The following AURKA variants were observed in gnomAD, a reference collection of about 807,000 sequenced individuals.
AURKA encodes the protein aurora kinase A, also known as aurora 2.
Under a neutral mutation model 40.9 loss-of-function variants are expected in AURKA, and 12 were observed. The ratio of observed to expected loss-of-function variants is 0.29; its 90% CI spans 0.19 to 0.48. The LOEUF (loss-of-function observed/expected upper bound fraction) is 0.48. AURKA is among the 20% of genes least tolerant of loss of function. AURKA has a pLI of 0.99. For synonymous variants in AURKA, 170 were observed against 164.3 expected, an observed-to-expected ratio of 1.03 and a Z score of -0.26; for missense variants, 322 against 462.1, an observed-to-expected ratio of 0.70 and a Z score of 2.78.
rs1986098112 is a variant in AURKA, at chr20:56,384,317, A to AAC, written c.326_327insGT (p.Asn109LysfsTer75). The AAC allele has an allele frequency of 6.3e-7, 1 of 1,596,904 alleles. No homozygotes were observed. On this transcript the variant is annotated frameshift_variant, in exon 4 of 9. Transcript: ENST00000395915. LOFTEE classifies it high-confidence loss of function. ...GTTTTGATGCCAGTTCCTCCTCAGG[A>AAC]TTATTTTCTATATGGAATAAGTTAA...
intron 6 of AURKA, among the ~76,000 whole-genome samples, chr20:56,376,140 C>T (rs1984892458): frequency 6.6e-6 from 1 of 152,060 alleles, no homozygotes; most frequent in African/African-American, 2.4e-5. Context: ...ATATCAATAT[C>T]AGAAACTGAA....
intron 7 of AURKA, among the ~76,000 whole-genome samples, chr20:56,371,398 T>G (rs1387616221): frequency 6.6e-6 from 1 of 151,176 alleles, no homozygotes; most frequent in East Asian, 2.0e-4. Flanking sequence ...GGAGGCGAGC[T>G]TGTAGTGAGC....
Position 56,370,620 on chromosome 20 carries a change from A to G in AURKA, c.894T>C (p.Pro298=), listed in dbSNP as rs2146125207. 12 of 1,614,206 alleles carry G rather than the reference A, an allele frequency of 7.4e-6. No homozygotes were observed. The highest frequency in any genetic ancestry group is 7.6e-6 in the Non-Finnish European group (9 of 1,180,028). Residue 298 remains proline, a synonymous_variant, in exon 8 of 9, where the codon CCT becomes CCC. Transcript: ENST00000395915. ...CATGCATCCGACCTTCAATCATTTC[A>G]GGGGGCAGGTAGTCCAGGGTGCCAC... is the stretch of plus-strand genomic sequence containing the variant. ...TLCGTLDYLP[P]EMIEGRMHDE...
chr20:56,384,313 C>T lies in AURKA; in HGVS notation c.331G>A (p.Glu111Lys). ...PLPSAPENNP[E>K]EELASKQKNE... ...TTCTGTTTTGATGCCAGTTCCTCCT[C>T]AGGATTATTTTCTATATGGAATAAG... Residue 111 changes from glutamate (E) to lysine (K), a missense_variant, in exon 4 of 9, where the codon GAG (glutamate) becomes AAG (lysine). Physicochemically the swap from Glu to Lys is moderately conservative, Grantham distance 56. Coordinates refer to ENST00000395915, the MANE Select transcript of AURKA (RefSeq NM_198437.3). 6.2e-7 allele frequency: 1 copy of T among 1,600,808 alleles called. No individual in the cohort carries two copies. Among genetic ancestry groups the T allele is most frequent in the Non-Finnish European group, 8.6e-7 (1 of 1,169,282 alleles).
At chr20:56,377,830 A>G (rs1985135695) in intron 6 of AURKA, among the ~76,000 whole-genome samples, 1 of 152,210 alleles carries the variant, frequency 6.6e-6, no homozygotes, top group South Asian at 2.1e-4. Flanking sequence ...TTAGGAAACT[A>G]GAAATCAAAA....
chr20:56,386,176 A>G, intron 3 of AURKA, 81 bp downstream of exon 3: 1 of 1,565,566 alleles, frequency 6.4e-7, no homozygotes, highest in Non-Finnish European at 8.8e-7. Context: ...GCTCCAAACA[A>G]TAAGTGCAAG....
At chr20:56,391,996 G>C (rs1987201105) in intron 1 of AURKA, 172 bp downstream of exon 1, 2 of 151,414 alleles carry the variant, frequency 1.3e-5, no homozygotes, top group African/African-American at 4.9e-5. Context: ...CGGTGCCCAG[G>C]AGCGGATGCA....
intron 1 of AURKA, among the ~76,000 whole-genome samples, chr20:56,389,065 C>T (rs1986730012): frequency 6.6e-6 from 1 of 152,212 alleles, no homozygotes; most frequent in African/African-American, 2.4e-5. Flanking sequence ...TCAGCAGAAT[C>T]TGACAAGGTT....
chr20:56,390,877 T>G (rs566103091), intron 1 of AURKA, among the ~76,000 whole-genome samples: 1 of 152,186 alleles, frequency 6.6e-6, no homozygotes, highest in African/African-American at 2.4e-5. Flanking sequence ...CAATTCTAAG[T>G]AGCAGTCTAA....
intron 5 of AURKA, 55 bp downstream of exon 5, chr20:56,382,930 G>A (rs529781803): frequency 3.1e-6 from 5 of 1,588,124 alleles, no homozygotes; most frequent in African/African-American, 2.7e-5. Context: ...ATTACAGGAG[G>A]GGGAGGGGTG....
intron 6 of AURKA, among the ~76,000 whole-genome samples, chr20:56,380,373 AAAG>A (rs1302453966): frequency 1.2e-4 from 18 of 151,552 alleles, no homozygotes; most frequent in African/African-American, 3.4e-4. Context: ...AAAAAAAAAA[AAAG>A]AAAGAAAAAA....
In AURKA at chr20:56,373,118, T is replaced by C. The variant is rs74494955; in HGVS notation, c.854+290A>G. Among the ~76,000 whole-genome samples the C allele has an allele frequency of 0.014, 2,204 of 152,316 alleles. 46 individuals carry two copies. The highest frequency in any genetic ancestry group is 0.05 in the African/African-American group (2,085 of 41,552). ...ACATGTGGGCACTTCACCTCTGTCA[T>C]ATACGTGTCCTATCTGTTGACTCAT... On this transcript the variant is annotated intron_variant, in intron 7 of 8. Coordinates refer to ENST00000395915, the MANE Select transcript of AURKA (RefSeq NM_198437.3). The surrounding 1 kb of genome is among the most constrained non-coding windows in gnomAD (Gnocchi z 5.0).
chr20:56,384,178 AT>A (rs920226886), intron 4 of AURKA, 91 bp downstream of exon 4: 16 of 1,021,588 alleles, frequency 1.6e-5, no homozygotes, highest in East Asian at 2.4e-5. Flanking sequence ...TAAAGGCCTC[AT>A]TTTTTTCCCC....
At chr20:56,386,809 A>C (rs958948198) in intron 2 of AURKA, among the ~76,000 whole-genome samples, 32 of 152,182 alleles carry the variant, frequency 2.1e-4, no homozygotes, top group Non-Finnish European at 7.3e-5. Flanking sequence ...ACTTTCTAAA[A>C]TTTCTCAATA....
At chr20:56,370,430 C>T in intron 8 of AURKA, 55 bp downstream of exon 8, 2 of 1,613,990 alleles carry the variant, frequency 1.2e-6, no homozygotes, top group Non-Finnish European at 1.7e-6. Context: ...GCAGTTCAGG[C>T]TGATAAGGAA....
intron 3 of AURKA, among the ~76,000 whole-genome samples, chr20:56,385,070 C>T (rs1362219675): frequency 1.3e-5 from 2 of 152,204 alleles, no homozygotes; most frequent in Non-Finnish European, 2.9e-5. Context: ...CCATCCCTAA[C>T]TCCTCTTTAT....
intron 3 of AURKA, 123 bp from the exon 4 acceptor site, chr20:56,384,447 C>A: frequency 2.7e-6 from 2 of 736,486 alleles, no homozygotes; most frequent in Admixed American, 2.8e-5. Flanking sequence ...AATGATAAAT[C>A]TGTTTTTTTT....
chr20:56,383,686 G>C (rs1007619622), intron 4 of AURKA, among the ~76,000 whole-genome samples: 2 of 152,224 alleles, frequency 1.3e-5, no homozygotes, highest in African/African-American at 4.8e-5. Context: ...TGGGGCATGA[G>C]AACCAGTGGA....
chr20:56,384,193 G>A lies in AURKA; in HGVS notation c.374+77C>T, dbSNP rs1265800446. On this transcript the variant is annotated intron_variant, in intron 4 of 8. Coordinates refer to ENST00000395915, the MANE Select transcript of AURKA (RefSeq NM_198437.3). Reference sequence around the variant, plus strand: ...TAAAGGCCTCATTTTTTTCCCCAGAGTTCCCACAACGAAATTTGCAACGAA... The same window carrying A: ...TAAAGGCCTCATTTTTTTCCCCAGAATTCCCACAACGAAATTTGCAACGAA... 6 of 1,201,894 alleles carry A rather than the reference G, an allele frequency of 5.0e-6. No homozygotes were observed. The East Asian group carries it at 1.2e-4, about 24-fold the overall frequency. 74.5% of individuals were successfully genotyped at this position (1,201,894 alleles called of 1,614,324 possible).
Sources: allele counts gnomAD v4.1 joint callset (sites outside exome capture counted in the v4.1 genomes callset), GRCh38; gene constraint gnomAD v4.1.1; non-coding constraint Gnocchi (gnomAD v3.1); transcripts MANE v1.5; gene names NCBI Gene and HGNC (gene_info 2026-07-23, HGNC 2026-07-21).